ZNF704: variants seen among roughly 807,000 people sequenced by gnomAD.
The protein encoded by ZNF704 is glucocorticoid induced gene 1.
Under a neutral mutation model 44.7 loss-of-function variants are expected in ZNF704, and 10 were observed. The ratio of observed to expected loss-of-function variants is 0.22; its 90% CI spans 0.14 to 0.38. ZNF704 has a LOEUF of 0.38. Ranked by LOEUF, ZNF704 falls within the 10% of genes least tolerant of loss-of-function variation. The pLI is 1.00. For synonymous variants in ZNF704, 211 were observed against 207.6 expected, an observed-to-expected ratio of 1.02 and a Z score of -0.14; for missense variants, 390 against 545.5, an observed-to-expected ratio of 0.71 and a Z score of 2.84.
intron 2 of ZNF704, among the ~76,000 whole-genome samples, chr8:80,793,829 A>C (rs769482221): frequency 6.6e-6 from 1 of 152,200 alleles, no homozygotes; most frequent in Non-Finnish European, 1.5e-5. Context: ...ATGAAAACTG[A>C]GAAGTTATTT....
At chr8:80,816,355 C>T (rs1417125067) in intron 2 of ZNF704, among the ~76,000 whole-genome samples, 1 of 152,188 alleles carries the variant, frequency 6.6e-6, no homozygotes, top group African/African-American at 2.4e-5. Flanking sequence ...CATGATCTGG[C>T]CAGCCTTCTT....
chr8:80,642,360 T>G (rs1817756791), intron 8 of ZNF704, among the ~76,000 whole-genome samples: 1 of 152,220 alleles, frequency 6.6e-6, no homozygotes, highest in Non-Finnish European at 1.5e-5. Flanking sequence ...GCCTCACCAC[T>G]CTTGCACTTT....
At chr8:80,856,534 T>A (rs902563857) in intron 1 of ZNF704, among the ~76,000 whole-genome samples, 2 of 152,244 alleles carry the variant, frequency 1.3e-5, no homozygotes, top group Non-Finnish European at 2.9e-5. Context: ...TTTAAATAAT[T>A]TTTTTGTGTA....
chr8:80,742,924 A>G (rs1563538027), intron 2 of ZNF704, among the ~76,000 whole-genome samples: 1 of 152,110 alleles, frequency 6.6e-6, no homozygotes, highest in Non-Finnish European at 1.5e-5. Flanking sequence ...CTAGCTGGGA[A>G]GGTGACGCAT....
the ZNF704 span, among the ~76,000 whole-genome samples, chr8:80,883,849 G>A: frequency 6.6e-6 from 1 of 152,182 alleles, no homozygotes; most frequent in Admixed American, 6.5e-5. Context: ...GATGACAGAT[G>A]TCAAAAGCTC....
chr8:80,685,406 C>G, intron 4 of ZNF704, among the ~76,000 whole-genome samples: 1 of 152,100 alleles, frequency 6.6e-6, no homozygotes, highest in East Asian at 1.9e-4. Context: ...GGCCGTGAGT[C>G]CTTGTCACAA....
At chr8:80,860,507 G>A (rs1376461827) in intron 1 of ZNF704, among the ~76,000 whole-genome samples, 1 of 151,956 alleles carries the variant, frequency 6.6e-6, no homozygotes, top group Non-Finnish European at 1.5e-5. Flanking sequence ...GTTGTTTTAG[G>A]GTATTGTTTA....
At chr8:80,775,924 G>C (rs569669497) in intron 2 of ZNF704, among the ~76,000 whole-genome samples, 2 of 152,256 alleles carry the variant, frequency 1.3e-5, no homozygotes, top group African/African-American at 4.8e-5. Context: ...ATTTATCCTA[G>C]TGATAAAGAG....
Position 80,634,542 on chromosome 8 carries a change from G to C in ZNF704, c.*6824C>G, listed in dbSNP as rs1817637287. On this transcript the variant is annotated 3_prime_UTR_variant, in exon 9 of 9. Transcript: ENST00000327835. ...CTTTGGTCTGCACAGTGTTGGCCAA[G>C]AGTTTGAGTTAGTTGTCAACACTTA... is the stretch of plus-strand genomic sequence containing the variant. 6.6e-6 allele frequency: 1 copy of C among 152,230 alleles called. No homozygotes were observed. Among genetic ancestry groups the C allele is most frequent in the Non-Finnish European group, 1.5e-5 (1 of 68,062 alleles). The allele number at this position is 152,230 out of a possible 1,614,324, so 9.4% of individuals were successfully genotyped here.
At chr8:80,674,791 G>C (rs1315576037) in intron 4 of ZNF704, among the ~76,000 whole-genome samples, 2 of 152,126 alleles carry the variant, frequency 1.3e-5, no homozygotes, top group East Asian at 1.9e-4. Flanking sequence ...TAATGAACAA[G>C]TCCTCACACT....
chr8:80,690,427 G>A (rs1206389600), intron 3 of ZNF704, among the ~76,000 whole-genome samples: 1 of 152,022 alleles, frequency 6.6e-6, no homozygotes, highest in South Asian at 2.1e-4. Context: ...GTTTTCCAGG[G>A]TTTTAAAATT....
chr8:80,632,555 T>G lies in ZNF704; in HGVS notation c.*8811A>C, dbSNP rs1817604109. ...GGACCTAGCAAGATAATGTAATAGT[T>G]AATTAGACTTGAGAATTGATTTTTA... On this transcript the variant is annotated 3_prime_UTR_variant, in exon 9 of 9. Transcript: ENST00000327835. 6.6e-6 allele frequency: 1 copy of G among 152,222 alleles called. No individual in the cohort carries two copies. Among genetic ancestry groups the G allele is most frequent in the Non-Finnish European group, 1.5e-5 (1 of 68,048 alleles). 9.4% of individuals were successfully genotyped at this position (152,222 alleles called of 1,614,324 possible).
intron 1 of ZNF704, among the ~76,000 whole-genome samples, chr8:80,827,988 A>G (rs565221595): frequency 9.2e-5 from 14 of 152,342 alleles, no homozygotes; most frequent in Non-Finnish European, 1.0e-4. Context: ...AACCTAGGCA[A>G]TACGATTCAG....
chr8:80,720,076 G>C (rs917205705), intron 2 of ZNF704, among the ~76,000 whole-genome samples: 1 of 152,212 alleles, frequency 6.6e-6, no homozygotes, highest in Non-Finnish European at 1.5e-5. Flanking sequence ...ATTCGAGTCT[G>C]TCTGCCTGCC....
intron 2 of ZNF704, among the ~76,000 whole-genome samples, chr8:80,815,999 TTGA>T (rs1808171246): frequency 6.6e-6 from 1 of 152,236 alleles, no homozygotes; most frequent in East Asian, 1.9e-4. Flanking sequence ...GTGAGCTACC[TTGA>T]TGGTCTTTCA....
intron 3 of ZNF704, among the ~76,000 whole-genome samples, chr8:80,690,387 A>G (rs1466094822): frequency 3.9e-5 from 6 of 152,022 alleles, no homozygotes; most frequent in Non-Finnish European, 8.8e-5. Flanking sequence ...GAAATTCTAC[A>G]ATTCCTTTTC....
intron 2 of ZNF704, among the ~76,000 whole-genome samples, chr8:80,772,285 T>G (rs1333439273): frequency 1.3e-5 from 2 of 152,154 alleles, no homozygotes; most frequent in Non-Finnish European, 2.9e-5. Context: ...TAGAATTGCT[T>G]TGTTGATTTA....
chr8:80,734,361 G>A (rs1806630703), intron 2 of ZNF704, among the ~76,000 whole-genome samples: 1 of 152,178 alleles, frequency 6.6e-6, no homozygotes, highest in African/African-American at 2.4e-5. Flanking sequence ...ATATCAGGAT[G>A]CCTACCTAAT....
Position 80,631,649 on chromosome 8 carries a change from G to A in ZNF704, c.*9717C>T, listed in dbSNP as rs1008075552. 5.9e-5 allele frequency: 9 copies of A among 152,306 alleles called. No individual in the cohort carries two copies. The highest frequency in any genetic ancestry group is 4.1e-4 in the South Asian group (2 of 4,820). The allele number at this position is 152,306 out of a possible 1,614,324, so 9.4% of individuals were successfully genotyped here. A position where few individuals can be genotyped will look rare whatever the true frequency, so the allele number is the denominator to read the frequency against. ...CGGTAGGGTTGGTGACTTGCACGGC[G>A]GGCTTTGAGGCACAGTGAAAGGATT... On this transcript the variant is annotated 3_prime_UTR_variant, in exon 9 of 9. Transcript: ENST00000327835.
Sources: allele counts gnomAD v4.1 joint callset (sites outside exome capture counted in the v4.1 genomes callset), GRCh38; gene constraint gnomAD v4.1.1; transcripts MANE v1.5; gene names NCBI Gene and HGNC (gene_info 2026-07-23, HGNC 2026-07-21).